The following BNC2 variants were observed in gnomAD, a reference collection of about 807,000 sequenced individuals.
The protein encoded by BNC2 is zinc finger protein basonuclin-2.
A neutral mutation model predicts 76.3 loss-of-function variants in BNC2; 20 were observed. That is an observed-to-expected ratio of 0.26 (90% CI 0.18 to 0.38). The LOEUF is 0.38. Among genes scored for constraint, BNC2 ranks in the 10% least tolerant of loss-of-function variants. The pLI is 1.00. For synonymous variants in BNC2, 582 were observed against 514.8 expected, an observed-to-expected ratio of 1.13 and a Z score of -1.77; for missense variants, 1,382 against 1,399.8, an observed-to-expected ratio of 0.99 and a Z score of 0.20.
chr9:16,738,325 A>C (rs762858420), intron 2 of BNC2, 35 bp downstream of exon 2: 1 of 1,531,910 alleles, frequency 6.5e-7, no homozygotes, highest in East Asian at 2.4e-5. Flanking sequence ...AGTGTGTCCA[A>C]GTAACTTAAA....
At chr9:16,477,463 T>C (rs1821951752) in intron 5 of BNC2, among the ~76,000 whole-genome samples, 1 of 152,186 alleles carries the variant, frequency 6.6e-6, no homozygotes, top group South Asian at 2.1e-4. Context: ...TAGACAATCA[T>C]TTATTAATGG....
At chr9:16,460,651 C>T (rs1821558571) in intron 5 of BNC2, among the ~76,000 whole-genome samples, 1 of 152,064 alleles carries the variant, frequency 6.6e-6, no homozygotes, top group South Asian at 2.1e-4. Flanking sequence ...AAATACAATG[C>T]AATCCTCTAT....
intron 1 of BNC2, among the ~76,000 whole-genome samples, chr9:16,829,352 C>T (rs991187461): frequency 1.3e-5 from 2 of 152,128 alleles, no homozygotes; most frequent in African/African-American, 4.8e-5. Context: ...AATGGTTTTG[C>T]TTTTTTGTTC....
At chr9:16,692,159 G>C (rs1823192957) in intron 3 of BNC2, among the ~76,000 whole-genome samples, 1 of 152,154 alleles carries the variant, frequency 6.6e-6, no homozygotes, top group Non-Finnish European at 1.5e-5. Context: ...TATTCTATTG[G>C]TTTGCAATCA....
chr9:16,737,761 G>A (rs968342045), intron 2 of BNC2, among the ~76,000 whole-genome samples: 2 of 152,156 alleles, frequency 1.3e-5, no homozygotes, highest in Non-Finnish European at 2.9e-5. Flanking sequence ...TTAATGGCAA[G>A]TTAAAAATAC....
At chr9:16,800,043 G>T (rs978473554) in intron 1 of BNC2, among the ~76,000 whole-genome samples, 1 of 151,994 alleles carries the variant, frequency 6.6e-6, no homozygotes, top group Non-Finnish European at 1.5e-5. Context: ...TGGACAACAT[G>T]GGGAAACCCC....
At chr9:16,551,998 T>C (rs943147835) in intron 5 of BNC2, among the ~76,000 whole-genome samples, 1 of 152,190 alleles carries the variant, frequency 6.6e-6, no homozygotes, top group African/African-American at 2.4e-5. Context: ...AAGGCTATCA[T>C]GTGAGGGTTT....
At chr9:16,773,368 C>G (rs1165568074) in intron 1 of BNC2, among the ~76,000 whole-genome samples, 1 of 152,022 alleles carries the variant, frequency 6.6e-6, no homozygotes, top group Non-Finnish European at 1.5e-5. Context: ...CTTTTTTCCC[C>G]TCTCTCTTTC....
intron 1 of BNC2, among the ~76,000 whole-genome samples, chr9:16,773,233 C>G (rs2135476118): frequency 6.6e-6 from 1 of 152,294 alleles, no homozygotes; most frequent in East Asian, 1.9e-4. Context: ...AGCTACTGAA[C>G]TCCAGATCAT....
chr9:16,588,690 A>G (rs746913393), intron 3 of BNC2, among the ~76,000 whole-genome samples: 1 of 152,244 alleles, frequency 6.6e-6, no homozygotes, highest in Non-Finnish European at 1.5e-5. Context: ...AATATTAAAT[A>G]AAAGTACATT....
chr9:16,415,793 C>T lies in BNC2; in HGVS notation c.*3196G>A, dbSNP rs1170872697. The T allele has an allele frequency of 6.6e-6, 1 of 152,174 alleles. No homozygotes were observed. Among genetic ancestry groups the T allele is most frequent in the Non-Finnish European group, 1.5e-5 (1 of 68,026 alleles). 9.4% of individuals were successfully genotyped at this position (152,174 alleles called of 1,614,324 possible). On this transcript the variant is annotated 3_prime_UTR_variant, in exon 7 of 7. Coordinates refer to ENST00000380672, the MANE Select transcript of BNC2 (RefSeq NM_017637.6). ...CATCCACTCCCCTGTCCCTTTTAAG[C>T]AAATAGGCTTTATATTGGAAAATGT...
Position 16,437,283 on chromosome 9 carries a change from C to T in BNC2, c.911G>A (p.Ser304Asn), listed in dbSNP as rs1438224964. The T allele has an allele frequency of 2.5e-6, 4 of 1,614,146 alleles. No homozygotes were observed. The highest frequency in any genetic ancestry group is 1.6e-4 in the Middle Eastern group (1 of 6,062). ...SPSLLAHLENSNPSSIHHFEN... is the reference protein window; with the variant it reads ...SPSLLAHLENNNPSSIHHFEN... ...GAAGTGATGAATGCTGGAAGGATTGCTGTTCTCTAAGTGAGCAAGGAGGCT... is the reference window on the plus strand; with the variant it reads ...GAAGTGATGAATGCTGGAAGGATTGTTGTTCTCTAAGTGAGCAAGGAGGCT... The change falls in exon 6 of 7, where the codon AGC becomes AAC. Residue 304 changes from serine (S) to asparagine (N), a missense_variant. By Grantham distance (46) the Ser-to-Asn change is conservative. Around this residue, in one of 3 missense-constraint regions of BNC2, gnomAD observed 557 missense variants for 540.9 expected, o/e 1.03. Transcript: ENST00000380672.
At chr9:16,757,995 C>A (rs1228013112) in intron 1 of BNC2, among the ~76,000 whole-genome samples, 1 of 152,144 alleles carries the variant, frequency 6.6e-6, no homozygotes, top group African/African-American at 2.4e-5. Context: ...TCTTATCTTA[C>A]AGTTATATTG....
chr9:16,454,793 A>C (rs927544265), intron 5 of BNC2, among the ~76,000 whole-genome samples: 1 of 152,238 alleles, frequency 6.6e-6, no homozygotes, highest in African/African-American at 2.4e-5. Context: ...AAATGTAGAT[A>C]TCCAGAAGTT....
intron 5 of BNC2, among the ~76,000 whole-genome samples, chr9:16,540,575 C>G (rs1818288211): frequency 6.6e-6 from 1 of 152,058 alleles, no homozygotes; most frequent in Admixed American, 6.6e-5. Flanking sequence ...ATAAGGCATA[C>G]AAGCATAACT....
chr9:16,561,829 C>G (rs1587173831), intron 4 of BNC2, among the ~76,000 whole-genome samples: 2 of 152,006 alleles, frequency 1.3e-5, no homozygotes, highest in Non-Finnish European at 2.9e-5. Flanking sequence ...CGTGGTGAAA[C>G]CCCATCTCTA....
At chr9:16,613,952 G>A (rs1820623846) in intron 3 of BNC2, among the ~76,000 whole-genome samples, 1 of 152,206 alleles carries the variant, frequency 6.6e-6, no homozygotes, top group South Asian at 2.1e-4. Flanking sequence ...ACAAGAGGGA[G>A]ATGAGCAGTA....
In BNC2 at chr9:16,415,922, T is replaced by C. The variant is rs966920465; in HGVS notation, c.*3067A>G. 3 of 152,196 alleles carry C rather than the reference T, an allele frequency of 2.0e-5. No individual in the cohort carries two copies. Among genetic ancestry groups the C allele is most frequent in the South Asian group, 2.1e-4 (1 of 4,834 alleles). 9.4% of individuals were successfully genotyped at this position (152,196 alleles called of 1,614,324 possible). ...AAAAGTGTCAGCTGTCCAGGACTTATTGCCACTTCTCTGACAAAACACAGG... is the reference window on the plus strand; with the variant it reads ...AAAAGTGTCAGCTGTCCAGGACTTACTGCCACTTCTCTGACAAAACACAGG... On this transcript the variant is annotated 3_prime_UTR_variant, in exon 7 of 7. Coordinates refer to ENST00000380672, the MANE Select transcript of BNC2 (RefSeq NM_017637.6).
At chr9:16,530,966 C>T (rs1228510060) in intron 5 of BNC2, among the ~76,000 whole-genome samples, 1 of 152,106 alleles carries the variant, frequency 6.6e-6, no homozygotes, top group Non-Finnish European at 1.5e-5. Context: ...CGGGAGGGGG[C>T]AGGAGGAGGT....
Sources: allele counts gnomAD v4.1 joint callset (sites outside exome capture counted in the v4.1 genomes callset), GRCh38; gene constraint gnomAD v4.1.1; regional missense constraint gnomAD v4.1.1; transcripts MANE v1.5; gene names NCBI Gene and HGNC (gene_info 2026-07-23, HGNC 2026-07-21).